The following NKAIN2 variants were observed in gnomAD, a reference collection of about 807,000 sequenced individuals.
NKAIN2 encodes the protein sodium/potassium transporting ATPase interacting 2.
NKAIN2 carries 14 observed loss-of-function variants against 32.6 expected under a neutral mutation model. The observed-to-expected ratio is 0.43, with a 90% CI of 0.28 to 0.67. NKAIN2 has a LOEUF of 0.67. NKAIN2 is among the 30% of genes least tolerant of loss of function. The pLI is 0.17. For missense variants in NKAIN2, 198 were observed against 258.3 expected, an observed-to-expected ratio of 0.77 and a Z score of 1.60; for synonymous variants, 80 against 87.2, an observed-to-expected ratio of 0.92 and a Z score of 0.46.
chr6:124,071,974 A>G (rs952225342), intron 1 of NKAIN2, among the ~76,000 whole-genome samples: 2 of 152,136 alleles, frequency 1.3e-5, no homozygotes, highest in African/African-American at 4.8e-5. Context: ...CCATTATTGG[A>G]TATATATCCG....
At chr6:124,072,819 T>G (rs2114884542) in intron 1 of NKAIN2, among the ~76,000 whole-genome samples, 1 of 152,346 alleles carries the variant, frequency 6.6e-6, no homozygotes, top group Admixed American at 6.5e-5. Context: ...TAACTCACAA[T>G]AATATACCTT....
At chr6:124,160,906 A>G (rs1345136104) in intron 1 of NKAIN2, among the ~76,000 whole-genome samples, 1 of 152,150 alleles carries the variant, frequency 6.6e-6, no homozygotes, top group East Asian at 1.9e-4. Context: ...AAATTTCAAG[A>G]TCCAAATATT....
Position 124,331,223 on chromosome 6 carries a change from C to T in NKAIN2, c.193-24044C>T, listed in dbSNP as rs999432564. Among the ~76,000 whole-genome samples the T allele has an allele frequency of 2.6e-5, 4 of 151,576 alleles. 1 individual carries two copies. In the South Asian group the frequency reaches 6.3e-4, roughly 24 times the overall value. Reference sequence around the variant, plus strand: ...GATCTACTGTAAAACAAAAATCGGCCGGGCACAGTGGCTCACGCCTATAAT... The same window carrying T: ...GATCTACTGTAAAACAAAAATCGGCTGGGCACAGTGGCTCACGCCTATAAT... On this transcript the variant is annotated intron_variant, in intron 2 of 6. Transcript: ENST00000368417.
chr6:124,147,895 T>A (rs899551951), intron 1 of NKAIN2, among the ~76,000 whole-genome samples: 2 of 152,150 alleles, frequency 1.3e-5, no homozygotes, highest in African/African-American at 4.8e-5. Context: ...GCCAGGACCA[T>A]GGATATTTAG....
chr6:124,772,946 C>T (rs1014907572), intron 4 of NKAIN2, among the ~76,000 whole-genome samples: 2 of 152,128 alleles, frequency 1.3e-5, no homozygotes, highest in African/African-American at 4.8e-5. Flanking sequence ...AACAAGCACA[C>T]ATATCCCCTG....
chr6:124,495,294 G>A (rs1206960461), intron 3 of NKAIN2, among the ~76,000 whole-genome samples: 1 of 152,088 alleles, frequency 6.6e-6, no homozygotes, highest in South Asian at 2.1e-4. Flanking sequence ...ATTTTCTTAA[G>A]AGTAATTGAA....
intron 1 of NKAIN2, among the ~76,000 whole-genome samples, chr6:124,220,110 G>A (rs1245260827): frequency 6.6e-6 from 1 of 152,104 alleles, no homozygotes; most frequent in Non-Finnish European, 1.5e-5. Context: ...CCTGGAGGGA[G>A]GTTATTAGAT....
intron 1 of NKAIN2, among the ~76,000 whole-genome samples, chr6:124,034,217 G>T (rs1274001881): frequency 6.6e-6 from 1 of 151,938 alleles, no homozygotes; most frequent in Non-Finnish European, 1.5e-5. Flanking sequence ...GACTTCTATT[G>T]AATTCATCAC....
chr6:124,473,265 A>C (rs1303172253), intron 3 of NKAIN2, among the ~76,000 whole-genome samples: 5 of 152,206 alleles, frequency 3.3e-5, no homozygotes, highest in Non-Finnish European at 7.3e-5. Flanking sequence ...CTAGGGCTTC[A>C]TTATGGGAGA....
intron 1 of NKAIN2, among the ~76,000 whole-genome samples, chr6:124,253,837 T>TTA (rs1324762231): frequency 6.6e-6 from 1 of 150,728 alleles, no homozygotes; most frequent in African/African-American, 2.4e-5. Flanking sequence ...TCTACTTTTT[T>TTA]TTTTTTTTTT....
At chr6:124,109,341 A>G (rs1237011712) in intron 1 of NKAIN2, among the ~76,000 whole-genome samples, 3 of 151,898 alleles carry the variant, frequency 2.0e-5, no homozygotes, top group Non-Finnish European at 4.4e-5. Flanking sequence ...ACCTTTTCAG[A>G]TAGTTTTTTG....
chr6:124,461,096 G>A (rs574259694), intron 3 of NKAIN2, among the ~76,000 whole-genome samples: 1 of 151,714 alleles, frequency 6.6e-6, no homozygotes, highest in Non-Finnish European at 1.5e-5. Flanking sequence ...GTTGAATTCT[G>A]TATACAAAGT....
intron 1 of NKAIN2, among the ~76,000 whole-genome samples, chr6:124,043,898 C>T (rs945584149): frequency 2.6e-5 from 4 of 152,078 alleles, no homozygotes; most frequent in Non-Finnish European, 2.9e-5. Flanking sequence ...TAAACACTGA[C>T]TTCCCTGGTG....
intron 4 of NKAIN2, among the ~76,000 whole-genome samples, chr6:124,777,647 GT>G (rs578251243): frequency 1.0e-3 from 159 of 152,248 alleles, no homozygotes; most frequent in African/African-American, 3.6e-3. Flanking sequence ...AGTTGTGAAG[GT>G]TGAAATTGAT....
intron 1 of NKAIN2, among the ~76,000 whole-genome samples, chr6:124,103,257 G>A (rs1207537427): frequency 6.6e-6 from 1 of 152,070 alleles, no homozygotes; most frequent in Non-Finnish European, 1.5e-5. Context: ...AATCTACAAA[G>A]CAATTTGATA....
intron 5 of NKAIN2, among the ~76,000 whole-genome samples, chr6:124,797,243 T>A (rs1780042347): frequency 6.6e-6 from 1 of 152,044 alleles, no homozygotes; most frequent in South Asian, 2.1e-4. Flanking sequence ...TTATGTATTC[T>A]TGTAAATCAC....
intron 4 of NKAIN2, among the ~76,000 whole-genome samples, chr6:124,753,524 T>A (rs535075075): frequency 2.6e-5 from 4 of 152,234 alleles, no homozygotes; most frequent in Non-Finnish European, 5.9e-5. Flanking sequence ...TATTATATAA[T>A]CAGGGTTCAT....
At chr6:124,674,800 C>G (rs1047622049) in intron 4 of NKAIN2, among the ~76,000 whole-genome samples, 2 of 152,052 alleles carry the variant, frequency 1.3e-5, no homozygotes, top group Admixed American at 1.3e-4. Context: ...CATCTGAGAA[C>G]AGAAATATTA....
In NKAIN2 at chr6:124,729,869, T is replaced by C. The variant is rs1173148213; in HGVS notation, c.475-61470T>C. On this transcript the variant is annotated intron_variant, in intron 4 of 6. Transcript: ENST00000368417. ...AAGCAACTTCAGCAAAGTCTTAGGATACAAAATCAATGTACAAAAATCACA... is the reference window on the plus strand; with the variant it reads ...AAGCAACTTCAGCAAAGTCTTAGGACACAAAATCAATGTACAAAAATCACA... Among the ~76,000 whole-genome samples, 3 of 151,664 alleles carry C rather than the reference T, an allele frequency of 2.0e-5. No individual in the cohort carries two copies. In the East Asian group the frequency reaches 5.9e-4, roughly 30 times the overall value.
Sources: allele counts gnomAD v4.1 joint callset (sites outside exome capture counted in the v4.1 genomes callset), GRCh38; gene constraint gnomAD v4.1.1; transcripts MANE v1.5; gene names NCBI Gene and HGNC (gene_info 2026-07-23, HGNC 2026-07-21).